Variants in TRAM1 observed in about 807,000 individuals in gnomAD.
The protein encoded by TRAM1 is translocating chain-associated membrane protein 1.
A neutral mutation model predicts 48.7 loss-of-function variants in TRAM1; 17 were observed. That is an observed-to-expected ratio of 0.35 (90% CI 0.24 to 0.52). The LOEUF is 0.52. TRAM1 is among the 20% of genes least tolerant of loss of function. The pLI is 0.94. For synonymous variants in TRAM1, 182 were observed against 154.0 expected (o/e 1.18, Z -1.34); for missense variants, 351 against 441.5 (o/e 0.79, Z 1.84).
intron 6 of TRAM1, among the ~76,000 whole-genome samples, chr8:70,589,536 T>C (rs1372389753): frequency 6.6e-6 from 1 of 152,192 alleles, no homozygotes; most frequent in Non-Finnish European, 1.5e-5. Flanking sequence ...AATACTTTTA[T>C]TTAACTGTAA....
At position 70,573,919 on chromosome 8, in the gene TRAM1, G is replaced by A. The variant is rs1816879721; in HGVS notation, c.*1013C>T. ...TACAGATAAATGTTTCTCAATTAAA[G>A]ATGGGACCAAAGCTATAGGTATAAC... is the stretch of plus-strand genomic sequence containing the variant. On this transcript the variant is annotated 3_prime_UTR_variant, in exon 11 of 11. Coordinates refer to ENST00000262213, the MANE Select transcript of TRAM1 (RefSeq NM_014294.6). 6.5e-6 allele frequency: 1 copy of A among 154,630 alleles called. No individual in the cohort carries two copies. The highest frequency in any genetic ancestry group is 2.0e-4 in the South Asian group (1 of 5,118). 9.6% of individuals were successfully genotyped at this position (154,630 alleles called of 1,614,324 possible).
Position 70,586,955 on chromosome 8 carries a change from A to G in TRAM1, c.686T>C (p.Val229Ala). ...GLVLLVLHYFVEFLFHISRLF... is the reference protein window; with the variant it reads ...GLVLLVLHYFAEFLFHISRLF... ...GCGGGAAATGTGGAAAAGAAATTCA[A>G]CAAAATAATGTAGCACCAGAAGAAC... Residue 229 changes from valine to alanine, a missense_variant, in exon 8 of 11, where the codon GTT (valine) becomes GCT (alanine). Physicochemically the swap from Val to Ala is moderately conservative, Grantham distance 64. Coordinates refer to ENST00000262213, the MANE Select transcript of TRAM1 (RefSeq NM_014294.6). 1.2e-6 allele frequency: 2 copies of G among 1,613,944 alleles called. No individual in the cohort carries two copies. Among genetic ancestry groups the G allele is most frequent in the Non-Finnish European group, 1.7e-6 (2 of 1,179,910 alleles).
rs577271031 is a variant in TRAM1, at chr8:70,574,708, A to G, written c.*224T>C. 2.3e-4 allele frequency: 91 copies of G among 393,140 alleles called. 2 individuals are homozygous for G. The highest frequency in any genetic ancestry group is 2.9e-4 in the Non-Finnish European group (64 of 223,656). 24.4% of individuals were successfully genotyped at this position (393,140 alleles called of 1,614,324 possible). A position where few individuals can be genotyped will look rare whatever the true frequency, so the allele number is the denominator to read the frequency against. Reference sequence around the variant, plus strand: ...AAAATAAAATATGGTGGTGGTCCCTAAACTATTTTGAAGGCAGGTAGCTTA... The same window carrying G: ...AAAATAAAATATGGTGGTGGTCCCTGAACTATTTTGAAGGCAGGTAGCTTA... On this transcript the variant is annotated 3_prime_UTR_variant, in exon 11 of 11. Coordinates refer to ENST00000262213, the MANE Select transcript of TRAM1 (RefSeq NM_014294.6).
chr8:70,574,071 G>T lies in TRAM1; in HGVS notation c.*861C>A. 8.2e-6 allele frequency: 2 copies of T among 245,044 alleles called. No individual in the cohort carries two copies. Among genetic ancestry groups the T allele is most frequent in the South Asian group, 3.9e-5 (1 of 25,772 alleles). 15.2% of individuals were successfully genotyped at this position (245,044 alleles called of 1,614,324 possible). On this transcript the variant is annotated 3_prime_UTR_variant, in exon 11 of 11. Transcript: ENST00000262213. ...CTTTTTATAGATATAAATCAAGTAG[G>T]CATTATGTTTTAAAAGTGTTTGCAG...
intron 10 of TRAM1, among the ~76,000 whole-genome samples, chr8:70,575,871 G>A (rs565056011): frequency 6.6e-6 from 1 of 152,128 alleles, no homozygotes; most frequent in East Asian, 1.9e-4. Flanking sequence ...GAGGCCAGGA[G>A]TTCAAGACCA....
At chr8:70,599,452 C>T (rs968239237) in intron 2 of TRAM1, among the ~76,000 whole-genome samples, 1 of 152,108 alleles carries the variant, frequency 6.6e-6, no homozygotes, top group Non-Finnish European at 1.5e-5. Context: ...TTCCAAGAAA[C>T]ACCTAATTTT....
chr8:70,575,531 G>T (rs1049953337), intron 10 of TRAM1, among the ~76,000 whole-genome samples: 1 of 151,948 alleles, frequency 6.6e-6, no homozygotes, highest in African/African-American at 2.4e-5. Flanking sequence ...TGATGCTCCC[G>T]GGGACCTCAG....
chr8:70,574,910 T>C lies in TRAM1; in HGVS notation c.*22A>G. The C allele has an allele frequency of 8.7e-6, 13 of 1,502,888 alleles. No individual in the cohort carries two copies. Among genetic ancestry groups the C allele is most frequent in the Non-Finnish European group, 1.2e-5 (13 of 1,084,526 alleles). The allele number at this position is 1,502,888 out of a possible 1,614,324, so 93.1% of individuals were successfully genotyped here. A position where few individuals can be genotyped will look rare whatever the true frequency, so the allele number is the denominator to read the frequency against. Reference sequence around the variant, plus strand: ...AGAAAGCAGATTTCTTTGGGGACATTAATCAATTAGTTTATAATTCATTAT... The same window carrying C: ...AGAAAGCAGATTTCTTTGGGGACATCAATCAATTAGTTTATAATTCATTAT... On this transcript the variant is annotated 3_prime_UTR_variant, in exon 11 of 11. Transcript: ENST00000262213.
At chr8:70,601,988 C>T (rs537857461) in intron 1 of TRAM1, among the ~76,000 whole-genome samples, 5 of 152,122 alleles carry the variant, frequency 3.3e-5, no homozygotes, top group Non-Finnish European at 5.9e-5. Context: ...AGAAGTAGGA[C>T]AACATCAGAC....
intron 6 of TRAM1, among the ~76,000 whole-genome samples, chr8:70,594,201 T>G (rs1817429957): frequency 6.6e-6 from 1 of 151,724 alleles, no homozygotes; most frequent in Non-Finnish European, 1.5e-5. Flanking sequence ...ATATTACATT[T>G]AAAAATTAGT....
chr8:70,597,893 A>G lies in TRAM1; in HGVS notation c.426+2T>C. The G allele has an allele frequency of 6.3e-7, 1 of 1,589,504 alleles. No homozygotes were observed. The highest frequency in any genetic ancestry group is 8.6e-7 in the Non-Finnish European group (1 of 1,165,110). The stretch of plus-strand genomic sequence containing the variant: ...AACAACAACCTAAGAGGACATACTT[A>G]CAGAGATGAGAATGAATGTGCCCCA... On this transcript the variant is annotated splice_donor_variant, in intron 4 of 10. Coordinates refer to ENST00000262213, the MANE Select transcript of TRAM1 (RefSeq NM_014294.6). LOFTEE classifies it high-confidence loss of function.
intron 1 of TRAM1, among the ~76,000 whole-genome samples, chr8:70,603,002 A>G (rs1261004031): frequency 6.6e-6 from 1 of 152,134 alleles, no homozygotes; most frequent in Non-Finnish European, 1.5e-5. Flanking sequence ...TCAGGCTTGC[A>G]TGACAAACTG....
chr8:70,583,043 T>C (rs1817114405), intron 10 of TRAM1, 121 bp downstream of exon 10: 3 of 1,150,160 alleles, frequency 2.6e-6, no homozygotes, highest in Admixed American at 6.1e-5. Context: ...TCTAATTTTG[T>C]TGAAAAGCAG....
At chr8:70,598,413 G>T (rs1044042514) in intron 2 of TRAM1, among the ~76,000 whole-genome samples, 158 bp from the exon 3 acceptor site, 2 of 152,194 alleles carry the variant, frequency 1.3e-5, no homozygotes, top group Non-Finnish European at 2.9e-5. Context: ...TTGAGTCTTA[G>T]AGGGGCAATG....
intron 6 of TRAM1, among the ~76,000 whole-genome samples, chr8:70,593,725 A>C (rs1316613067): frequency 1.3e-5 from 2 of 152,142 alleles, no homozygotes; most frequent in African/African-American, 4.8e-5. Context: ...ATCAGTGTGC[A>C]TGAAGCATAA....
At chr8:70,595,537 T>C (rs747492670) in intron 5 of TRAM1, among the ~76,000 whole-genome samples, 26 of 152,272 alleles carry the variant, frequency 1.7e-4, no homozygotes, top group Admixed American at 3.3e-4. Context: ...GCACTTGCAA[T>C]GTACCTGGCA....
rs781304658 is a variant in TRAM1, at chr8:70,598,137, C to T, written c.306G>A (p.Leu102=). 2.0e-5 allele frequency: 32 copies of T among 1,610,670 alleles called. No individual in the cohort carries two copies. The highest frequency in any genetic ancestry group is 2.6e-5 in the Non-Finnish European group (31 of 1,178,488). The change falls in exon 3 of 11, where the codon TTG becomes TTA. Residue 102 remains leucine (L), a synonymous_variant. Transcript: ENST00000262213. ...IIHAVIQEYM[L]DKINRRMHFS... Reference sequence around the variant, plus strand: ...ATTTCTAAGACTGCATACTTACATCCAACATATACTCTTGAATTACGGCAT... The same window carrying T: ...ATTTCTAAGACTGCATACTTACATCTAACATATACTCTTGAATTACGGCAT...
intron 10 of TRAM1, among the ~76,000 whole-genome samples, chr8:70,575,728 A>T (rs1816933016): frequency 6.6e-6 from 1 of 152,174 alleles, no homozygotes. Context: ...GCACAAGTGG[A>T]ATCCCAGCAC....
intron 6 of TRAM1, among the ~76,000 whole-genome samples, chr8:70,587,957 C>T (rs1817262808): frequency 6.6e-6 from 1 of 152,122 alleles, no homozygotes; most frequent in South Asian, 2.1e-4. Flanking sequence ...TGGTTCATGC[C>T]TATAATCCCA....
Sources: gnomAD v4.1 joint callset for allele counts (sites outside exome capture counted in the v4.1 genomes callset) on GRCh38, gnomAD v4.1.1 for gene constraint, MANE v1.5 for transcripts, NCBI Gene and HGNC (gene_info 2026-07-23, HGNC 2026-07-21) for gene names.